The following EFHC1 variants were observed in gnomAD, a reference collection of about 807,000 sequenced individuals.
EFHC1 encodes EF-hand domain containing 1.
Under a neutral mutation model 69.9 loss-of-function variants are expected in EFHC1, and 53 were observed. The ratio of observed to expected loss-of-function variants is 0.76; its 90% confidence interval spans 0.61 to 0.95. The LOEUF (loss-of-function observed/expected upper bound fraction) is 0.95, where lower values mean the gene tolerates loss of function less well. Among genes scored for constraint, EFHC1 ranks in the 40% least tolerant of loss-of-function variants. The pLI is 0.00. For synonymous variants in EFHC1, 256 were observed against 278.4 expected, an observed-to-expected ratio of 0.92 and a Z score of 0.80; for missense variants, 739 against 798.7, an observed-to-expected ratio of 0.93 and a Z score of 0.90.
chr6:52,486,756 A>G (rs1765795119), intron 9 of EFHC1: 1 of 151,982 alleles, frequency 6.6e-6, no homozygotes, highest in African/African-American at 2.4e-5. Flanking sequence ...ATTTCTTCAA[A>G]TCTAATTCTT....
rs1309180278 is a variant in EFHC1 at position 52,443,119 on chromosome 6, C to G, written c.573+4528C>G. On this transcript the variant is annotated intron_variant, in intron 3 of 10. Transcript: ENST00000371068. ...AGTGTCTGTTCATATCCTTCGCCCA[C>G]TTTTTGATGGGGTTGTTTTATTTTT... Among the ~76,000 whole-genome samples the G allele has an allele frequency of 3.3e-5, 5 of 152,182 alleles. No homozygotes were observed. In the East Asian group the frequency reaches 9.6e-4, roughly 29 times the overall value.
intron 6 of EFHC1, among the ~76,000 whole-genome samples, chr6:52,468,087 C>G (rs1181781339): frequency 6.6e-6 from 1 of 152,198 alleles, no homozygotes; most frequent in Non-Finnish European, 1.5e-5. Context: ...GATGTGTTTT[C>G]TGTCAGGCTG....
At chr6:52,422,193 GC>G (rs747842438) in intron 1 of EFHC1, among the ~76,000 whole-genome samples, 15 of 152,188 alleles carry the variant, frequency 9.9e-5, no homozygotes, top group Non-Finnish European at 1.9e-4. Context: ...GGTGGAAAGG[GC>G]CGAGGTTGCC....
intron 3 of EFHC1, among the ~76,000 whole-genome samples, chr6:52,447,725 G>A (rs1429288427): frequency 6.6e-6 from 1 of 152,236 alleles, no homozygotes; most frequent in Non-Finnish European, 1.5e-5. Flanking sequence ...GGTCTTTGAT[G>A]ATGGTGACGT....
intron 1 of EFHC1, among the ~76,000 whole-genome samples, chr6:52,422,585 A>G (rs1764215407): frequency 6.6e-6 from 1 of 152,186 alleles, no homozygotes; most frequent in Admixed American, 6.5e-5. Flanking sequence ...TAGGATGTAG[A>G]AAGTTTTTTT....
At chr6:52,425,033 C>T (rs1764274541) in intron 2 of EFHC1, among the ~76,000 whole-genome samples, 1 of 152,182 alleles carries the variant, frequency 6.6e-6, no homozygotes, top group Non-Finnish European at 1.5e-5. Flanking sequence ...AGCCAGCCAA[C>T]TTTTATTGAG....
Position 52,469,470 on chromosome 6 carries a change from A to G in EFHC1, c.1275A>G (p.Val425=). The change falls in exon 7 of 11, where the codon GTA becomes GTG. Residue 425 remains valine (V), a synonymous_variant. Coordinates refer to ENST00000371068, the MANE Select transcript of EFHC1 (RefSeq NM_018100.4). ...NDNKVLRYLA[V]LESPIPEDKD... ...ACAAGGTGCTTCGTTATTTGGCTGT[A>G]CTGGTGAGGCTAATTTTTATATACT... 1 of 1,613,780 alleles carries G rather than the reference A, an allele frequency of 6.2e-7. No homozygotes were observed. The highest frequency in any genetic ancestry group is 8.5e-7 in the Non-Finnish European group (1 of 1,179,872).
chr6:52,423,536 C>A (rs1460826740), intron 1 of EFHC1, among the ~76,000 whole-genome samples: 2 of 151,968 alleles, frequency 1.3e-5, no homozygotes, highest in African/African-American at 4.8e-5. Flanking sequence ...CAGAGTCTCA[C>A]TGTTGCCCAG....
At chr6:52,457,853 C>T (rs1765078399) in intron 5 of EFHC1, among the ~76,000 whole-genome samples, 1 of 152,152 alleles carries the variant, frequency 6.6e-6, no homozygotes, top group Non-Finnish European at 1.5e-5. Context: ...GAATGTATTT[C>T]CTCACTTTCT....
In EFHC1 at chr6:52,490,275, A is replaced by G. The variant is rs1581854375; in HGVS notation, c.1776A>G (p.Gly592=). 6 of 1,614,166 alleles carry G rather than the reference A, an allele frequency of 3.7e-6. No homozygotes were observed. Among genetic ancestry groups the G allele is most frequent in the Non-Finnish European group, 5.1e-6 (6 of 1,179,996 alleles). ...AAATTTATGACAAGGAAGCTTCAGG[A>G]TATGTGGACAGAGACATGTTCTTTA... ...AFQIYDKEAS[G]YVDRDMFFKI... Residue 592 remains glycine (G), a synonymous_variant, in exon 10 of 11, where the codon GGA becomes GGG. Transcript: ENST00000371068.
chr6:52,439,465 G>A (rs1764610386), intron 3 of EFHC1, among the ~76,000 whole-genome samples: 1 of 152,090 alleles, frequency 6.6e-6, no homozygotes, highest in Admixed American at 6.6e-5. Context: ...TTTCAGGAAG[G>A]TACTTGATAT....
rs1229339079 is a variant in EFHC1 at position 52,494,830 on chromosome 6, G to A, written c.*2489G>A. ...CCTATTCCTGCATCAATTCACTTTA[G>A]GATAATGGCCTCCAGCTGCATCCAT... On this transcript the variant is annotated 3_prime_UTR_variant, in exon 11 of 11. Coordinates refer to ENST00000371068, the MANE Select transcript of EFHC1 (RefSeq NM_018100.4). The A allele has an allele frequency of 1.5e-5, 7 of 452,562 alleles. No individual in the cohort carries two copies. In the East Asian group the frequency reaches 4.9e-4, roughly 32 times the overall value. 28.0% of individuals were successfully genotyped at this position (452,562 alleles called of 1,614,324 possible).
At chr6:52,488,897 GTAA>G (rs1266325279) in intron 9 of EFHC1, 2 of 152,134 alleles carry the variant, frequency 1.3e-5, no homozygotes, top group African/African-American at 4.8e-5. Context: ...TTATTGTAGT[GTAA>G]ATTATTTAAT....
At chr6:52,479,817 A>G (rs1316981346) in intron 9 of EFHC1, 30 bp downstream of exon 9, 1 of 1,612,796 alleles carries the variant, frequency 6.2e-7, no homozygotes, top group Non-Finnish European at 8.5e-7. Context: ...GGTTTGGCAC[A>G]CTCAAGATAT....
intron 2 of EFHC1, among the ~76,000 whole-genome samples, chr6:52,437,841 C>T (rs956276922): frequency 1.3e-5 from 2 of 152,214 alleles, no homozygotes; most frequent in Non-Finnish European, 2.9e-5. Context: ...CAAATATAGT[C>T]ACATTGAGGG....
At chr6:52,446,912 G>A (rs1352644617) in intron 3 of EFHC1, among the ~76,000 whole-genome samples, 2 of 152,192 alleles carry the variant, frequency 1.3e-5, no homozygotes, top group African/African-American at 2.4e-5. Context: ...GGCTTGTAGA[G>A]TTTCTGCCGA....
intron 9 of EFHC1, among the ~76,000 whole-genome samples, chr6:52,484,873 A>G (rs745962192): frequency 1.3e-5 from 2 of 152,200 alleles, no homozygotes; most frequent in Non-Finnish European, 2.9e-5. Context: ...AGAGAGGAGA[A>G]GTTATGAAAT....
At chr6:52,486,186 T>C (rs1260586202) in intron 9 of EFHC1, 1 of 152,228 alleles carries the variant, frequency 6.6e-6, no homozygotes, top group African/African-American at 2.4e-5. Flanking sequence ...ATGTCAATTG[T>C]CAGTTCTAAG....
intron 1 of EFHC1, chr6:52,420,921 C>G: frequency 1.2e-6 from 1 of 830,334 alleles, no homozygotes; most frequent in Non-Finnish European, 1.6e-6. Context: ...CCCCCCGCCA[C>G]TATGCACCTT....
Sources: gnomAD v4.1 joint callset for allele counts (sites outside exome capture counted in the v4.1 genomes callset) on GRCh38, gnomAD v4.1.1 for gene constraint, MANE v1.5 for transcripts, NCBI Gene and HGNC (gene_info 2026-07-23, HGNC 2026-07-21) for gene names.